Variants in MESP1 observed in about 807,000 individuals in gnomAD.
MESP1 encodes the protein mesoderm posterior protein 1.
MESP1 carries 22 observed loss-of-function variants against 15.2 expected under a neutral mutation model. The ratio of observed to expected loss-of-function variants is 1.45; its 90% CI spans 1.04 to 2.07. The LOEUF (loss-of-function observed/expected upper bound fraction) is 2.07, where lower values mean the gene tolerates loss of function less well. Among genes scored for constraint, MESP1 ranks in the 30% most tolerant of loss-of-function variants. The pLI is 0.00. For synonymous variants in MESP1, 216 were observed against 192.6 expected (o/e 1.12, Z -1.01); for missense variants, 484 against 411.9 (o/e 1.17, Z -1.51).
chr15:89,736,387 C>A, the MESP1 span, among the ~76,000 whole-genome samples: 4 of 152,062 alleles, frequency 2.6e-5, no homozygotes, highest in Non-Finnish European at 2.9e-5. Flanking sequence ...GAGCCAAGGG[C>A]TGAAAATGTA....
the MESP1 span, chr15:89,733,255 G>T: frequency 1.0e-5 from 16 of 1,581,864 alleles, no homozygotes; most frequent in East Asian, 3.6e-4. Context: ...GTAAATAATT[G>T]GCCAGATTAT....
At chr15:89,737,828 T>TC in the MESP1 span, 1 of 1,531,876 alleles carries the variant, frequency 6.5e-7, no homozygotes, top group East Asian at 2.3e-5. Flanking sequence ...CCACTCTGTG[T>TC]CCCCCTCTAC....
chr15:89,747,499 C>T (rs979809647), downstream of MESP1, among the ~76,000 whole-genome samples: 9 of 152,212 alleles, frequency 5.9e-5, no homozygotes, highest in Non-Finnish European at 1.2e-4. Context: ...CCTCAGCGGG[C>T]ACCCCTGTGC....
At chr15:89,741,644 A>G in the MESP1 span, among the ~76,000 whole-genome samples, 2 of 152,234 alleles carry the variant, frequency 1.3e-5, no homozygotes, top group African/African-American at 2.4e-5. Flanking sequence ...AGGCAAATCA[A>G]CACAAAATAT....
chr15:89,743,729 C>G, the MESP1 span: 5 of 288,100 alleles, frequency 1.7e-5, no homozygotes, highest in Middle Eastern at 2.3e-3. Flanking sequence ...GAGTCCTCGG[C>G]CTGGTGAGGA....
chr15:89,735,092 G>A, the MESP1 span, among the ~76,000 whole-genome samples: 1 of 144,976 alleles, frequency 6.9e-6, no homozygotes, highest in Admixed American at 7.2e-5. Context: ...CTGTAGCCCA[G>A]GCTGGTCTTG....
chr15:89,741,859 C>A, the MESP1 span, among the ~76,000 whole-genome samples: 2 of 151,942 alleles, frequency 1.3e-5, no homozygotes, highest in Non-Finnish European at 2.9e-5. Flanking sequence ...TCAAGTGATT[C>A]TCCTGCCTCA....
At chr15:89,735,616 T>C in the MESP1 span, 1 of 1,524,930 alleles carries the variant, frequency 6.6e-7, no homozygotes, top group East Asian at 2.3e-5. Flanking sequence ...GTGAATGTGT[T>C]CATCTGTCCT....
chr15:89,751,159 G>A lies in MESP1; in HGVS notation c.73C>T (p.Pro25Ser). Residue 25 changes from proline to serine, a missense_variant, in exon 1 of 2, where the codon CCG becomes TCG. By Grantham distance (74) the Pro-to-Ser change is moderately conservative (BLOSUM62 -1). Transcript: ENST00000300057. The part of the protein sequence containing the change: ...LSAAWGPTRR[P>S]PPSDKDCGRS... Reference sequence around the variant, plus strand: ...CCGCAGTCCTTGTCGGAGGGCGGCGGCCGCCGAGTTGGGCCCCAGGCCGCA... The same window carrying A: ...CCGCAGTCCTTGTCGGAGGGCGGCGACCGCCGAGTTGGGCCCCAGGCCGCA... 3 of 1,266,066 alleles carry A rather than the reference G, an allele frequency of 2.4e-6. No homozygotes were observed. Among genetic ancestry groups the A allele is most frequent in the Non-Finnish European group, 3.0e-6 (3 of 1,008,858 alleles). The allele number at this position is 1,266,066 out of a possible 1,614,324, so 78.4% of individuals were successfully genotyped here.
At chr15:89,735,362 A>G in the MESP1 span, 5 of 859,392 alleles carry the variant, frequency 5.8e-6, no homozygotes, top group Non-Finnish European at 9.3e-6. Context: ...ATTTTTTGCT[A>G]CTATGAACAG....
chr15:89,733,050 C>G, the MESP1 span: 42 of 1,614,034 alleles, frequency 2.6e-5, no homozygotes, highest in Non-Finnish European at 3.2e-5. Flanking sequence ...ATGTTTCTGC[C>G]AAAGCATTCA....
chr15:89,747,115 CA>C, downstream of MESP1, among the ~76,000 whole-genome samples: 1 of 138,368 alleles, frequency 7.2e-6, no homozygotes. Flanking sequence ...CACACACACA[CA>C]CACACACACA....
In MESP1 at chr15:89,750,515, C is replaced by T. The variant is rs1346188311; in HGVS notation, c.717G>A (p.Pro239=). The T allele has an allele frequency of 6.7e-7, 1 of 1,500,708 alleles. No individual in the cohort carries two copies. Among genetic ancestry groups the T allele is most frequent in the Non-Finnish European group, 8.8e-7 (1 of 1,132,970 alleles). The allele number at this position is 1,500,708 out of a possible 1,614,324, so 93.0% of individuals were successfully genotyped here. The part of the protein sequence containing the change: ...PEGQAMEPSP[P]SPLLPGDVLA... ...CGGGGAAGGGGACACTAACCGGGGA[C>T]GGTGGGCTTGGCTCCATCGCCTGCC... Residue 239 remains proline, a synonymous_variant, in exon 1 of 2, where the codon CCG becomes CCA. Coordinates refer to ENST00000300057, the MANE Select transcript of MESP1 (RefSeq NM_018670.4).
chr15:89,746,400 AGCATCCACACCTCCACACATCCACACC>A (rs1455516266), downstream of MESP1, among the ~76,000 whole-genome samples: 9 of 126,548 alleles, frequency 7.1e-5, no homozygotes, highest in East Asian at 2.4e-4. Context: ...ACATCCACAC[AGCATCCACACCTCCACACATCCACACC>A]GCATCCACAC....
chr15:89,751,075 C>CAAGGGGCTCGG lies in MESP1; in HGVS notation c.156_157insCCGAGCCCCTT (p.Ala53ProfsTer21). ...AGGGTGCCTGGCCGCGCGGGGCTCG[C>CAAGGGGCTCGG]CACGGGGCTGTCGGCTGGGGTGCTG... On this transcript the variant is annotated frameshift_variant, in exon 1 of 2. Transcript: ENST00000300057. LOFTEE classifies it high-confidence loss of function. 7.6e-7 allele frequency: 1 copy of CAAGGGGCTCGG among 1,316,372 alleles called. No individual in the cohort carries two copies. The highest frequency in any genetic ancestry group is 2.3e-5 in the South Asian group (1 of 42,946). The allele number at this position is 1,316,372 out of a possible 1,614,324, so 81.5% of individuals were successfully genotyped here.
downstream of MESP1, among the ~76,000 whole-genome samples, chr15:89,748,326 G>C (rs906753017): frequency 2.6e-5 from 4 of 152,160 alleles, no homozygotes; most frequent in African/African-American, 9.7e-5. Flanking sequence ...GTCCCACCCC[G>C]CTGCAGGCCT....
At chr15:89,735,412 G>T in the MESP1 span, 13 of 1,436,258 alleles carry the variant, frequency 9.1e-6, no homozygotes, top group Admixed American at 3.4e-5. Context: ...ATTTCTCCAG[G>T]ATATATGCCT....
the MESP1 span, among the ~76,000 whole-genome samples, chr15:89,744,191 G>A: frequency 1.3e-5 from 2 of 152,214 alleles, no homozygotes; most frequent in East Asian, 1.9e-4. Context: ...GAGGGTGACT[G>A]CACTCAGAGT....
chr15:89,741,159 G>A, the MESP1 span, among the ~76,000 whole-genome samples: 3 of 152,220 alleles, frequency 2.0e-5, no homozygotes, highest in East Asian at 5.8e-4. Flanking sequence ...AAATAAATAA[G>A]TGTTAAATAT....
Sources: gnomAD v4.1 joint callset for allele counts (sites outside exome capture counted in the v4.1 genomes callset) on GRCh38, gnomAD v4.1.1 for gene constraint, MANE v1.5 for transcripts, NCBI Gene and HGNC (gene_info 2026-07-23, HGNC 2026-07-21) for gene names.